The following GALNT8 variants were observed in gnomAD, a reference collection of about 807,000 sequenced individuals.
The protein encoded by GALNT8 is probable polypeptide N-acetylgalactosaminyltransferase 8.
Under a neutral mutation model 62.7 loss-of-function variants are expected in GALNT8, and 66 were observed. That is an observed-to-expected ratio of 1.05 (90% CI 0.86 to 1.29). The LOEUF (loss-of-function observed/expected upper bound fraction) is 1.29. Among genes scored for constraint, GALNT8 ranks in the 50% most tolerant of loss-of-function variants. The pLI, the probability that GALNT8 is intolerant of heterozygous loss-of-function variation, is 0.00. For synonymous variants in GALNT8, 288 were observed against 294.3 expected (o/e 0.98, Z 0.22); for missense variants, 771 against 791.8 (o/e 0.97, Z 0.32).
At chr12:4,768,759 C>T (rs1401893658) in intron 10 of GALNT8, among the ~76,000 whole-genome samples, 1 of 152,180 alleles carries the variant, frequency 6.6e-6, no homozygotes, top group African/African-American at 2.4e-5. Context: ...CTTTTCCATC[C>T]ATCTTACCTC....
chr12:4,726,414 T>A lies in GALNT8; in HGVS notation c.212-118T>A. ...CTACATCCTCTGTGACAAGAGCTTA[T>A]AAGTTTTAAGATGTAGTGGGTAAAC... On this transcript the variant is annotated intron_variant, in intron 1 of 10. Coordinates refer to ENST00000252318, the MANE Select transcript of GALNT8 (RefSeq NM_017417.2). This position sits in a 1 kb window ranked among gnomAD's most constrained non-coding sequence, Gnocchi z 4.1. The A allele has an allele frequency of 1.4e-6, 1 of 695,584 alleles. No homozygotes were observed. The highest frequency in any genetic ancestry group is 2.4e-6 in the Non-Finnish European group (1 of 415,718). 43.1% of individuals were successfully genotyped at this position (695,584 alleles called of 1,614,324 possible).
intron 2 of GALNT8, among the ~76,000 whole-genome samples, chr12:4,728,263 C>T (rs1946205333): frequency 6.6e-6 from 1 of 150,944 alleles, no homozygotes; most frequent in Admixed American, 6.6e-5. Context: ...ATCCTAGATA[C>T]AAATTCCTAT....
At position 4,749,882 on chromosome 12, in the gene GALNT8, T is replaced by A. The variant is rs1946315269; in HGVS notation, c.1173+3624T>A. Among the ~76,000 whole-genome samples, 1 of 152,136 alleles carries A rather than the reference T, an allele frequency of 6.6e-6. No homozygotes were observed. Among genetic ancestry groups the A allele is most frequent in the African/African-American group, 2.4e-5 (1 of 41,442 alleles). On this transcript the variant is annotated intron_variant, in intron 6 of 10. Coordinates refer to ENST00000252318, the MANE Select transcript of GALNT8 (RefSeq NM_017417.2). This position sits in a 1 kb window ranked among gnomAD's most constrained non-coding sequence, Gnocchi z 4.1. Reference sequence around the variant, plus strand: ...TCAGGTTTGGGATATTTTTCCTGGTTCAATCTTGAACCAAGTTCAATGTGT... The same window carrying A: ...TCAGGTTTGGGATATTTTTCCTGGTACAATCTTGAACCAAGTTCAATGTGT...
At chr12:4,765,110 C>T (rs1259665564) in intron 9 of GALNT8, among the ~76,000 whole-genome samples, 1 of 152,056 alleles carries the variant, frequency 6.6e-6, no homozygotes, top group East Asian at 1.9e-4. Context: ...TTTGTTTTTT[C>T]TTCAAAGACA....
chr12:4,761,412 T>C (rs1310466883), intron 7 of GALNT8, among the ~76,000 whole-genome samples: 1 of 152,158 alleles, frequency 6.6e-6, no homozygotes, highest in East Asian at 1.9e-4. Flanking sequence ...ATGAGGAAGC[T>C]GAGGCACAGA....
intron 3 of GALNT8, among the ~76,000 whole-genome samples, chr12:4,741,309 G>T (rs1946271082): frequency 6.6e-6 from 1 of 152,076 alleles, no homozygotes; most frequent in Non-Finnish European, 1.5e-5. Flanking sequence ...AATTTTTAGA[G>T]CAAAATTCCG....
chr12:4,745,369 G>C (rs1946292547), intron 4 of GALNT8, 60 bp from the exon 5 acceptor site: 1 of 1,059,156 alleles, frequency 9.4e-7, no homozygotes, highest in East Asian at 2.4e-5. Flanking sequence ...AGCTTTATCT[G>C]CTCTCCCCTA....
At position 4,739,178 on chromosome 12, in the gene GALNT8, A is replaced by T; in HGVS notation, c.525A>T (p.Thr175=). The T allele has an allele frequency of 1.2e-6, 2 of 1,610,460 alleles. No individual in the cohort carries two copies. Among genetic ancestry groups the T allele is most frequent in the Non-Finnish European group, 1.7e-6 (2 of 1,177,058 alleles). The change falls in exon 3 of 11, where the codon ACA becomes ACT. Residue 175 remains threonine, a synonymous_variant. Transcript: ENST00000252318. ...DTRDYRCLRK[T]YPSQLPSLSV... is the part of the protein sequence containing the mutation. ...TCTCTTATAGATGTCTTCGGAAGACATATCCTTCCCAACTCCCATCCCTCA... is the reference window on the plus strand; with the variant it reads ...TCTCTTATAGATGTCTTCGGAAGACTTATCCTTCCCAACTCCCATCCCTCA...
chr12:4,721,575 T>C (rs184970419), intron 1 of GALNT8, among the ~76,000 whole-genome samples: 1 of 152,312 alleles, frequency 6.6e-6, no homozygotes, highest in East Asian at 1.9e-4. Flanking sequence ...TCTCAATGCC[T>C]TAAACAGCAG....
At chr12:4,763,414 T>A (rs761034751) in intron 8 of GALNT8, 24 bp downstream of exon 8, 1 of 1,596,386 alleles carries the variant, frequency 6.3e-7, no homozygotes, top group Admixed American at 1.7e-5. Context: ...AATTGCACTT[T>A]GGATTTTAAA....
chr12:4,745,958 G>A (rs71579267), intron 5 of GALNT8, among the ~76,000 whole-genome samples, 186 bp from the exon 6 acceptor site: 4 of 152,176 alleles, frequency 2.6e-5, no homozygotes, highest in Admixed American at 6.5e-5. Flanking sequence ...TTTTGAGAAG[G>A]GTTATGATAA....
intron 2 of GALNT8, among the ~76,000 whole-genome samples, chr12:4,734,509 A>G (rs1393967330): frequency 2.6e-5 from 4 of 152,216 alleles, no homozygotes; most frequent in Non-Finnish European, 5.9e-5. Flanking sequence ...CATTTGAATA[A>G]TGAATGAGAT....
At chr12:4,723,916 C>T (rs571309351) in intron 1 of GALNT8, among the ~76,000 whole-genome samples, 9 of 151,842 alleles carry the variant, frequency 5.9e-5, no homozygotes, top group African/African-American at 9.7e-5. Flanking sequence ...TTTGGAAGGC[C>T]GAGGCGGGTG....
At chr12:4,734,232 T>A (rs1286924708) in intron 2 of GALNT8, among the ~76,000 whole-genome samples, 1 of 152,146 alleles carries the variant, frequency 6.6e-6, no homozygotes, top group Non-Finnish European at 1.5e-5. Flanking sequence ...CACAAAAAGA[T>A]CATGCAGATA....
chr12:4,770,168 G>C (rs1358014072), intron 10 of GALNT8, among the ~76,000 whole-genome samples: 1 of 151,974 alleles, frequency 6.6e-6, no homozygotes, highest in Admixed American at 6.5e-5. Context: ...TGGTTGTGGT[G>C]GTGGGCGCCT....
At chr12:4,740,333 A>G (rs1176783884) in intron 3 of GALNT8, among the ~76,000 whole-genome samples, 2 of 152,226 alleles carry the variant, frequency 1.3e-5, no homozygotes, top group African/African-American at 4.8e-5. Flanking sequence ...GGATGTTGAT[A>G]ATAATAACCA....
chr12:4,742,286 C>T (rs889896339), intron 3 of GALNT8, among the ~76,000 whole-genome samples: 5 of 152,182 alleles, frequency 3.3e-5, no homozygotes, highest in African/African-American at 1.2e-4. Context: ...AGATGTTAAG[C>T]TTTATTCACA....
chr12:4,730,866 CTTTTTTTTTT>C, intron 2 of GALNT8, among the ~76,000 whole-genome samples: 1 of 137,290 alleles, frequency 7.3e-6, no homozygotes, highest in Admixed American at 7.3e-5. Context: ...TTTTTCTTTT[CTTTTTTTTTT>C]TTTTTTGAGA....
intron 10 of GALNT8, among the ~76,000 whole-genome samples, chr12:4,767,312 A>G (rs1184785836): frequency 6.6e-6 from 1 of 152,164 alleles, no homozygotes; most frequent in South Asian, 2.1e-4. Flanking sequence ...GCTGGAGGCC[A>G]GGGCCTGGGG....
Sources: gnomAD v4.1 joint callset for allele counts (sites outside exome capture counted in the v4.1 genomes callset) on GRCh38, gnomAD v4.1.1 for gene constraint, Gnocchi (gnomAD v3.1) non-coding constraint, MANE v1.5 for transcripts, NCBI Gene and HGNC (gene_info 2026-07-23, HGNC 2026-07-21) for gene names.